Variants in ALAS1 observed in about 807,000 individuals in gnomAD.
The protein encoded by ALAS1 is 5'-aminolevulinate synthase 1.
A neutral mutation model predicts 59.6 loss-of-function variants in ALAS1; 29 were observed. The ratio of observed to expected loss-of-function variants is 0.49; its 90% CI spans 0.36 to 0.66. ALAS1 has a LOEUF of 0.66. ALAS1 is among the 30% of genes least tolerant of loss of function. The pLI is 0.00. For missense variants in ALAS1, 690 were observed against 807.5 expected (o/e 0.85, Z 1.76); for synonymous variants, 299 against 296.6 (o/e 1.01, Z -0.08).
At position 52,211,416 on chromosome 3, in the gene ALAS1, T is replaced by C. The variant is rs752811688; in HGVS notation, c.1464T>C (p.Ser488=). Residue 488 remains serine, a synonymous_variant, in exon 10 of 12, where the codon TCT becomes TCC. Coordinates refer to ENST00000484952, the MANE Select transcript of ALAS1 (RefSeq NM_000688.6). ...PPMLLAGALE[S]VRILKSAEGR... ...TGCTGCTGGCTGGAGCCCTGGAGTCTGTGCGGATCCTGAAGAGCGCTGAGG... is the reference window on the plus strand; with the variant it reads ...TGCTGCTGGCTGGAGCCCTGGAGTCCGTGCGGATCCTGAAGAGCGCTGAGG... The C allele has an allele frequency of 1.5e-5, 24 of 1,614,120 alleles. No individual in the cohort carries two copies. The highest frequency in any genetic ancestry group is 4.0e-5 in the African/African-American group (3 of 74,938).
At chr3:52,210,075 A>T (rs1278730903) in intron 9 of ALAS1, among the ~76,000 whole-genome samples, 2 of 152,222 alleles carry the variant, frequency 1.3e-5, no homozygotes, top group African/African-American at 4.8e-5. Context: ...ATCAATCCTA[A>T]TGCATTAATT....
At chr3:52,211,648 CG>C in intron 10 of ALAS1, 97 bp downstream of exon 10, 1 of 1,520,068 alleles carries the variant, frequency 6.6e-7, no homozygotes, top group Non-Finnish European at 8.9e-7. Flanking sequence ...TGGGCTTGAG[CG>C]GGGTGACTGC....
At chr3:52,206,113 T>A in intron 7 of ALAS1, 90 bp downstream of exon 7, 2 of 1,222,060 alleles carry the variant, frequency 1.6e-6, no homozygotes, top group South Asian at 3.0e-5. Context: ...TACCAGAACC[T>A]CTCAATTGAA....
chr3:52,206,685 C>T lies in ALAS1; in HGVS notation c.1099C>T (p.Leu367=), dbSNP rs1236224990. The part of the protein sequence containing the change: ...RHNDVSHLRE[L]LQRSDPSVPK... ...CAATGATGTCAGCCACCTCAGAGAA[C>T]TGCTGCAAAGATCTGACCCCTCAGT... Residue 367 remains leucine, a synonymous_variant, in exon 8 of 12, where the codon CTG becomes TTG. Transcript: ENST00000484952. 1 of 1,614,172 alleles carries T rather than the reference C, an allele frequency of 6.2e-7. No homozygotes were observed. Among genetic ancestry groups the T allele is most frequent in the Non-Finnish European group, 8.5e-7 (1 of 1,180,030 alleles).
At position 52,213,895 on chromosome 3, in the gene ALAS1, C is replaced by G. The variant is rs1162481681; in HGVS notation, c.1763-125C>G. 4.6e-6 allele frequency: 4 copies of G among 863,850 alleles called. No homozygotes were observed. The African/African-American group carries it at 6.8e-5, about 15-fold the overall frequency. 53.5% of individuals were successfully genotyped at this position (863,850 alleles called of 1,614,324 possible). On this transcript the variant is annotated intron_variant, in intron 11 of 11. Coordinates refer to ENST00000484952, the MANE Select transcript of ALAS1 (RefSeq NM_000688.6). ...TCTATTGGTGGACATTTGGTTGTTT[C>G]TCTTGTTAACTATTATGAATAATGC... is the stretch of plus-strand genomic sequence containing the variant.
At chr3:52,206,160 A>G (rs1699288178) in intron 7 of ALAS1, 137 bp downstream of exon 7, 1 of 850,454 alleles carries the variant, frequency 1.2e-6, no homozygotes, top group Non-Finnish European at 1.8e-6. Context: ...TCTGGGGTCA[A>G]GCATGAAATG....
intron 3 of ALAS1, among the ~76,000 whole-genome samples, chr3:52,201,115 T>G (rs975424093): frequency 4.6e-5 from 7 of 152,202 alleles, no homozygotes; most frequent in African/African-American, 1.7e-4. Context: ...ATTGAGACAC[T>G]TTACCCAAGT....
chr3:52,204,006 C>T lies in ALAS1; in HGVS notation c.571C>T (p.Pro191Ser). The change falls in exon 5 of 12, where the codon CCA (proline) becomes TCA (serine). Residue 191 changes from proline (P) to serine (S), a missense_variant. Coordinates refer to ENST00000484952, the MANE Select transcript of ALAS1 (RefSeq NM_000688.6). ...RVSHLLQDNL[P>S]KSVSTFQYDR... is the part of the protein sequence containing the mutation. The stretch of plus-strand genomic sequence containing the variant: ...GTCTCATCTTCTTCAAGATAACTTG[C>T]CAAAATGTAAGTCTCATTGTTATTT... 6.2e-7 allele frequency: 1 copy of T among 1,603,118 alleles called. No homozygotes were observed. Among genetic ancestry groups the T allele is most frequent in the Admixed American group, 1.7e-5 (1 of 57,646 alleles).
chr3:52,208,097 C>T lies in ALAS1; in HGVS notation c.1180C>T (p.Leu394=). The T allele has an allele frequency of 1.3e-6, 2 of 1,582,026 alleles. No individual in the cohort carries two copies. ...TCTTTCCTCAGGGGCGGTGTGCCCACTGGAAGAGCTGTGTGATGTGGCCCA... is the reference window on the plus strand; with the variant it reads ...TCTTTCCTCAGGGGCGGTGTGCCCATTGGAAGAGCTGTGTGATGTGGCCCA... The part of the protein sequence containing the change: ...VHSMDGAVCP[L]EELCDVAHEF... The change falls in exon 9 of 12, where the codon CTG becomes TTG. Residue 394 remains leucine, a synonymous_variant. Coordinates refer to ENST00000484952, the MANE Select transcript of ALAS1 (RefSeq NM_000688.6).
chr3:52,199,927 TTC>T (rs1699154233), intron 3 of ALAS1, among the ~76,000 whole-genome samples: 1 of 152,232 alleles, frequency 6.6e-6, no homozygotes, highest in Non-Finnish European at 1.5e-5. Flanking sequence ...GTTCAAGTGA[TTC>T]TCCTGCCTCA....
Position 52,198,784 on chromosome 3 carries a change from GA to G in ALAS1, c.-94del. The G allele has an allele frequency of 6.5e-7, 1 of 1,535,520 alleles. No homozygotes were observed. Among genetic ancestry groups the G allele is most frequent in the Non-Finnish European group, 8.7e-7 (1 of 1,146,730 alleles). On this transcript the variant is annotated 5_prime_UTR_variant, in exon 2 of 12. An upstream open reading frame in the 5' UTR loses its in-frame stop. Transcript: ENST00000484952. ...GGTTTAGGGGATGTGGGGACCAGGAGAAAGTCAGGATCCCTAAGAGTCTTCC... is the reference window on the plus strand; with the variant it reads ...GGTTTAGGGGATGTGGGGACCAGGAGAAGTCAGGATCCCTAAGAGTCTTCC...
In ALAS1 at chr3:52,212,366, C is replaced by G. The variant is rs1699428845; in HGVS notation, c.1708C>G (p.Leu570Val). The stretch of plus-strand genomic sequence containing the variant: ...TACGGTGCCCCGGGGAGAAGAGCTC[C>G]TACGGATTGCCCCCACCCCTCACCA... ...YPTVPRGEELLRIAPTPHHTP... is the reference protein window; with the variant it reads ...YPTVPRGEELVRIAPTPHHTP... The change falls in exon 11 of 12, where the codon CTA becomes GTA. Residue 570 changes from leucine to valine, a missense_variant. Leu to Val is a conservative substitution (Grantham distance 32). Transcript: ENST00000484952. 1 of 1,614,016 alleles carries G rather than the reference C, an allele frequency of 6.2e-7. No individual in the cohort carries two copies. The highest frequency in any genetic ancestry group is 1.3e-5 in the African/African-American group (1 of 74,914).
At chr3:52,206,883 G>A in intron 8 of ALAS1, 132 bp downstream of exon 8, 1 of 963,730 alleles carries the variant, frequency 1.0e-6, no homozygotes, top group East Asian at 2.6e-5. Context: ...TGCCCAGGCA[G>A]GAGTGCAGTG....
At chr3:52,198,642 C>A in intron 1 of ALAS1, 30 bp from the exon 2 acceptor site, 1 of 683,134 alleles carries the variant, frequency 1.5e-6, no homozygotes, top group Non-Finnish European at 2.5e-6. Flanking sequence ...CCTCATACCC[C>A]TACCCTCATT....
At chr3:52,199,507 C>T (rs1699143421) in intron 3 of ALAS1, 67 bp downstream of exon 3, 1 of 1,473,608 alleles carries the variant, frequency 6.8e-7, no homozygotes, top group Non-Finnish European at 9.3e-7. Context: ...TAGAAGCAGT[C>T]CCCACAGTGG....
Position 52,202,544 on chromosome 3 carries a change from TG to T in ALAS1, c.238del (p.Asp80MetfsTer36). On this transcript the variant is annotated frameshift_variant, in exon 4 of 12. Coordinates refer to ENST00000484952, the MANE Select transcript of ALAS1 (RefSeq NM_000688.6). LOFTEE classifies it high-confidence loss of function. ...TAKAKVQQTP[D>X]GSQQSPDGTQ... The stretch of plus-strand genomic sequence containing the variant: ...CTAAGGCCAAGGTCCAACAGACTCC[TG>T]ATGGATCCCAGCAGAGTCCAGATGG... The T allele has an allele frequency of 6.2e-7, 1 of 1,614,234 alleles. No individual in the cohort carries two copies. Among genetic ancestry groups the T allele is most frequent in the Non-Finnish European group, 8.5e-7 (1 of 1,180,028 alleles).
At chr3:52,202,460 C>T (rs377110208) in intron 3 of ALAS1, 47 bp from the exon 4 acceptor site, 1 of 1,464,204 alleles carries the variant, frequency 6.8e-7, no homozygotes, top group African/African-American at 1.4e-5. Context: ...TTCTTACATA[C>T]TGTGCAACCA....
rs1373733718 is a variant in ALAS1, at chr3:52,204,741, A to C, written c.626A>C (p.Glu209Ala). The C allele has an allele frequency of 6.2e-7, 1 of 1,614,180 alleles. No homozygotes were observed. The highest frequency in any genetic ancestry group is 1.1e-5 in the South Asian group (1 of 91,090). Residue 209 changes from glutamate to alanine, a missense_variant, in exon 6 of 12, where the codon GAG becomes GCG. Coordinates refer to ENST00000484952, the MANE Select transcript of ALAS1 (RefSeq NM_000688.6). ...CGTTTCTTTGAGAAAAAAATTGATG[A>C]GAAAAAGAATGACCACACCTATCGA... Reference protein sequence around the residue: ...YDRFFEKKIDEKKNDHTYRVF... With the variant: ...YDRFFEKKIDAKKNDHTYRVF...
Position 52,198,772 on chromosome 3 carries a change from T to G in ALAS1, c.-109T>G. 1 of 1,534,260 alleles carries G rather than the reference T, an allele frequency of 6.5e-7. No homozygotes were observed. The highest frequency in any genetic ancestry group is 1.2e-5 in the South Asian group (1 of 84,030). On this transcript the variant is annotated 5_prime_UTR_variant, in exon 2 of 12. Transcript: ENST00000484952. ...ACCCCTTCCTCGGGTTTAGGGGATGTGGGGACCAGGAGAAAGTCAGGATCC... is the reference window on the plus strand; with the variant it reads ...ACCCCTTCCTCGGGTTTAGGGGATGGGGGGACCAGGAGAAAGTCAGGATCC...
Sources: gnomAD v4.1 joint callset for allele counts (sites outside exome capture counted in the v4.1 genomes callset) on GRCh38, gnomAD v4.1.1 for gene constraint, MANE v1.5 for transcripts, NCBI Gene and HGNC (gene_info 2026-07-23, HGNC 2026-07-21) for gene names.